The following NET1 variants were observed in gnomAD, a reference collection of about 807,000 sequenced individuals.
NET1 encodes neuroepithelial cell-transforming gene 1 protein.
In NET1, 42 loss-of-function variants were observed where a neutral mutation model predicts 61.1. That is an observed-to-expected ratio of 0.69 (90% CI 0.54 to 0.89). The LOEUF is 0.89. NET1 is among the 40% of genes least tolerant of loss of function. The pLI is 0.00. For missense variants in NET1, 654 were observed against 747.3 expected, an observed-to-expected ratio of 0.88 and a Z score of 1.46; for synonymous variants, 254 against 281.8, an observed-to-expected ratio of 0.90 and a Z score of 0.99.
rs1832347699 is a variant in NET1, at chr10:5,431,468, T to G, written c.255+2239T>G. ...TGATGCTCTCAAAATGGATGCTCAT[T>G]GCCTACATGCATTTTTTTCTTGGTG... On this transcript the variant is annotated intron_variant, in intron 3 of 11. Transcript: ENST00000355029. This position sits in a 1 kb window ranked among gnomAD's most constrained non-coding sequence, Gnocchi z 4.9. 6.6e-6 allele frequency among the ~76,000 whole-genome samples: 1 copy of G among 152,082 alleles called. No homozygotes were observed. The highest frequency in any genetic ancestry group is 2.4e-5 in the African/African-American group (1 of 41,410).
chr10:5,454,130 A>G lies in NET1; in HGVS notation c.769-135A>G. 1 of 904,180 alleles carries G rather than the reference A, an allele frequency of 1.1e-6. No homozygotes were observed. The highest frequency in any genetic ancestry group is 1.7e-6 in the Non-Finnish European group (1 of 592,106). 56.0% of individuals were successfully genotyped at this position (904,180 alleles called of 1,614,324 possible). ...AAAATGCTATTCAGCTTCCATTATT[A>G]TCTGCCAGAAAATGTCCACAGCTTG... is the stretch of plus-strand genomic sequence containing the variant. On this transcript the variant is annotated intron_variant, in intron 8 of 11. Transcript: ENST00000355029. The surrounding 1 kb of genome is among the most constrained non-coding windows in gnomAD (Gnocchi z 8.1).
In NET1 at chr10:5,423,266, A is replaced by G. The variant is rs539731189; in HGVS notation, c.129-3389A>G. 3.9e-5 allele frequency among the ~76,000 whole-genome samples: 6 copies of G among 152,282 alleles called. No homozygotes were observed. The highest frequency in any genetic ancestry group is 1.4e-4 in the African/African-American group (6 of 41,568). On this transcript the variant is annotated intron_variant, in intron 1 of 11. Coordinates refer to ENST00000355029, the MANE Select transcript of NET1 (RefSeq NM_001047160.3). This position sits in a 1 kb window ranked among gnomAD's most constrained non-coding sequence, Gnocchi z 4.4. The stretch of plus-strand genomic sequence containing the variant: ...TTCAATACGTTTTTTGAAAATATTT[A>G]TAATTTCAGGTCAGGTCTTATCTGG...
chr10:5,419,722 T>C (rs918992773), intron 1 of NET1, among the ~76,000 whole-genome samples: 2 of 151,904 alleles, frequency 1.3e-5, no homozygotes, highest in African/African-American at 4.8e-5. Context: ...GTTGTTGTTG[T>C]TGTTGTTGTT....
Position 5,424,564 on chromosome 10 carries a change from A to C in NET1, c.129-2091A>C, listed in dbSNP as rs1453659076. 6.6e-6 allele frequency among the ~76,000 whole-genome samples: 1 copy of C among 152,208 alleles called. No homozygotes were observed. Among genetic ancestry groups the C allele is most frequent in the Non-Finnish European group, 1.5e-5 (1 of 68,028 alleles). On this transcript the variant is annotated intron_variant, in intron 1 of 11. Transcript: ENST00000355029. The surrounding 1 kb of genome is among the most constrained non-coding windows in gnomAD (Gnocchi z 6.1). ...TGATGCTTGACTTTTCTGCAGTAGC[A>C]AGAAAAGATGGAATAATCAGCTTCT...
chr10:5,452,008 G>C lies in NET1; in HGVS notation c.363+71G>C. Reference sequence around the variant, plus strand: ...AAGCCTGGAATTTGTAGTTGTCTTTGAGCTGTACAAACAAGTTTGCATTAT... The same window carrying C: ...AAGCCTGGAATTTGTAGTTGTCTTTCAGCTGTACAAACAAGTTTGCATTAT... On this transcript the variant is annotated intron_variant, in intron 4 of 11. Transcript: ENST00000355029. This position sits in a 1 kb window ranked among gnomAD's most constrained non-coding sequence, Gnocchi z 4.0. 9.4e-6 allele frequency: 11 copies of C among 1,170,514 alleles called. No individual in the cohort carries two copies. Among genetic ancestry groups the C allele is most frequent in the Non-Finnish European group, 1.2e-5 (10 of 801,140 alleles). The allele number at this position is 1,170,514 out of a possible 1,614,324, so 72.5% of individuals were successfully genotyped here.
Position 5,452,880 on chromosome 10 carries a change from G to C in NET1, c.554G>C (p.Gly185Ala), listed in dbSNP as rs749539181. 1.2e-6 allele frequency: 2 copies of C among 1,613,780 alleles called. No homozygotes were observed. The highest frequency in any genetic ancestry group is 2.2e-5 in the South Asian group (2 of 90,988). ...RQEAIYEMSR[G>A]EQDLIEDLKL... Reference sequence around the variant, plus strand: ...TAGGCAATATATGAAATGTCCCGAGGTGAACAGGATTTAATTGAGGATCTC... The same window carrying C: ...TAGGCAATATATGAAATGTCCCGAGCTGAACAGGATTTAATTGAGGATCTC... Residue 185 changes from glycine to alanine, a missense_variant, in exon 6 of 12, where the codon GGT (glycine) becomes GCT (alanine). Gly to Ala is a moderately conservative substitution (Grantham distance 60, BLOSUM62 0). Transcript: ENST00000355029. This position sits in a 1 kb window ranked among gnomAD's most constrained non-coding sequence, Gnocchi z 4.0.
At chr10:5,419,669 G>A (rs1228783811) in intron 1 of NET1, among the ~76,000 whole-genome samples, 1 of 138,942 alleles carries the variant, frequency 7.2e-6, no homozygotes, top group Admixed American at 7.6e-5. Flanking sequence ...AGGCAAGTCC[G>A]CTACCAACAA....
At position 5,454,444 on chromosome 10, in the gene NET1, C is replaced by T; in HGVS notation, c.948C>T (p.Val316=). Residue 316 remains valine, a synonymous_variant, in exon 9 of 12, where the codon GTC becomes GTT. Coordinates refer to ENST00000355029, the MANE Select transcript of NET1 (RefSeq NM_001047160.3). This position sits in a 1 kb window ranked among gnomAD's most constrained non-coding sequence, Gnocchi z 8.1. The stretch of plus-strand genomic sequence containing the variant: ...TAGATATCCCTCGAAGTCGCCTAGT[C>T]AAATACCCTTTACTGTTAAAAGAAA... The part of the protein sequence containing the change: ...SFLDIPRSRL[V]KYPLLLKEIL... 6.2e-7 allele frequency: 1 copy of T among 1,614,148 alleles called. No individual in the cohort carries two copies. Among genetic ancestry groups the T allele is most frequent in the East Asian group, 2.2e-5 (1 of 44,888 alleles).
chr10:5,448,153 C>A (rs1159950248), intron 3 of NET1, among the ~76,000 whole-genome samples: 2 of 152,066 alleles, frequency 1.3e-5, no homozygotes, highest in African/African-American at 4.8e-5. Flanking sequence ...ACTATTATAA[C>A]CCAAAGGAAT....
rs1384942331 is a variant in NET1 at position 5,435,293 on chromosome 10, A to G, written c.255+6064A>G. 6.6e-6 allele frequency among the ~76,000 whole-genome samples: 1 copy of G among 152,196 alleles called. No individual in the cohort carries two copies. The highest frequency in any genetic ancestry group is 2.4e-5 in the African/African-American group (1 of 41,456). On this transcript the variant is annotated intron_variant, in intron 3 of 11. Transcript: ENST00000355029. The surrounding 1 kb of genome is among the most constrained non-coding windows in gnomAD (Gnocchi z 5.0). ...TAAAGATACCAGGTGATTCTCATGT[A>G]TAGCTAGAGTTAAAAACTAGAATGT...
rs71388435 is a variant in NET1 at position 5,435,474 on chromosome 10, GAGATAGATAGATAGATAGATAGAT to G, written c.255+6281_255+6304del. On this transcript the variant is annotated intron_variant, in intron 3 of 11. Coordinates refer to ENST00000355029, the MANE Select transcript of NET1 (RefSeq NM_001047160.3). The surrounding 1 kb of genome is among the most constrained non-coding windows in gnomAD (Gnocchi z 5.0). ...TTCTACTTTATATGCCTCCGTGCCT[GAGATAGATAGATAGATAGATAGAT>G]AGATAGATAGATAGATAGATAGATA... is the stretch of plus-strand genomic sequence containing the variant. 5.6e-5 allele frequency among the ~76,000 whole-genome samples: 8 copies of G among 142,738 alleles called. No individual in the cohort carries two copies. Among genetic ancestry groups the G allele is most frequent in the African/African-American group, 8.0e-5 (3 of 37,540 alleles). 93.6% of individuals were successfully genotyped at this position (142,738 alleles called of 152,430 possible).
Position 5,452,418 on chromosome 10 carries a change from T to G in NET1, c.424T>G (p.Ser142Ala). The stretch of plus-strand genomic sequence containing the variant: ...CTCTGCCCAGAAGTTTTCTAGCAGG[T>G]CAACAGTCCCAACACCCGCCAAGAG... Reference protein sequence around the residue: ...PASAQKFSSRSTVPTPAKRRS... With the variant: ...PASAQKFSSRATVPTPAKRRS... Residue 142 changes from serine (S) to alanine (A), a missense_variant, in exon 5 of 12, where the codon TCA becomes GCA. Ser to Ala is a moderately conservative substitution (Grantham distance 99, BLOSUM62 1). Coordinates refer to ENST00000355029, the MANE Select transcript of NET1 (RefSeq NM_001047160.3). This position sits in a 1 kb window ranked among gnomAD's most constrained non-coding sequence, Gnocchi z 4.0. The G allele has an allele frequency of 6.2e-7, 1 of 1,614,068 alleles. No homozygotes were observed. Among genetic ancestry groups the G allele is most frequent in the Non-Finnish European group, 8.5e-7 (1 of 1,179,964 alleles).
At position 5,455,038 on chromosome 10, in the gene NET1, G is replaced by A. The variant is rs572187183; in HGVS notation, c.1117G>A (p.Asp373Asn). Residue 373 changes from aspartate (D) to asparagine (N), a missense_variant, in exon 10 of 12, where the codon GAT (aspartate) becomes AAT (asparagine). Coordinates refer to ENST00000355029, the MANE Select transcript of NET1 (RefSeq NM_001047160.3). The surrounding 1 kb of genome is among the most constrained non-coding windows in gnomAD (Gnocchi z 6.5). ...TTACATCGACAAGCTGGAGTACCTG[G>A]ATGAAAAGCAGAGGGACCCCAGAAT... ...QYYIDKLEYL[D>N]EKQRDPRIEA... The A allele has an allele frequency of 7.4e-6, 12 of 1,614,162 alleles. 1 individual carries two copies. In the South Asian group the frequency reaches 1.2e-4, roughly 16 times the overall value.
In NET1 at chr10:5,447,711, A is replaced by G. The variant is rs1214477056; in HGVS notation, c.256-4119A>G. On this transcript the variant is annotated intron_variant, in intron 3 of 11. Coordinates refer to ENST00000355029, the MANE Select transcript of NET1 (RefSeq NM_001047160.3). This position sits in a 1 kb window ranked among gnomAD's most constrained non-coding sequence, Gnocchi z 4.1. ...TGTACACATACACACACCTTTTGGT[A>G]GTTAAAATAGCTGCCGTCTTCAGGA... 6.6e-6 allele frequency among the ~76,000 whole-genome samples: 1 copy of G among 152,238 alleles called. No homozygotes were observed. Among genetic ancestry groups the G allele is most frequent in the Non-Finnish European group, 1.5e-5 (1 of 68,038 alleles).
Position 5,412,982 on chromosome 10 carries a change from G to A in NET1, c.128+162G>A, listed in dbSNP as rs1196202052. On this transcript the variant is annotated intron_variant, in intron 1 of 11. Coordinates refer to ENST00000355029, the MANE Select transcript of NET1 (RefSeq NM_001047160.3). This position sits in a 1 kb window ranked among gnomAD's most constrained non-coding sequence, Gnocchi z 6.5. Reference sequence around the variant, plus strand: ...GTGGGGGTGTTGGTGAGGGCCAGGGGGAGGCGAGGGCCGCTGGGAGGTGAG... The same window carrying A: ...GTGGGGGTGTTGGTGAGGGCCAGGGAGAGGCGAGGGCCGCTGGGAGGTGAG... 1.5e-5 allele frequency among the ~76,000 whole-genome samples: 2 copies of A among 133,940 alleles called. No homozygotes were observed. Among genetic ancestry groups the A allele is most frequent in the African/African-American group, 5.5e-5 (2 of 36,516 alleles). 87.9% of individuals were successfully genotyped at this position (133,940 alleles called of 152,430 possible).
At position 5,426,570 on chromosome 10, in the gene NET1, T is replaced by A; in HGVS notation, c.129-85T>A. The A allele has an allele frequency of 1.9e-6, 2 of 1,076,134 alleles. No homozygotes were observed. Among genetic ancestry groups the A allele is most frequent in the African/African-American group, 1.6e-5 (1 of 62,404 alleles). 66.7% of individuals were successfully genotyped at this position (1,076,134 alleles called of 1,614,324 possible). A position where few individuals can be genotyped will look rare whatever the true frequency, so the allele number is the denominator to read the frequency against. On this transcript the variant is annotated intron_variant, in intron 1 of 11. Coordinates refer to ENST00000355029, the MANE Select transcript of NET1 (RefSeq NM_001047160.3). This position sits in a 1 kb window ranked among gnomAD's most constrained non-coding sequence, Gnocchi z 4.6. ...GCCACTTTAAACGGTTTTGAAAGTATGAAAAGTATAGCTTTTTATCTGTTT... is the reference window on the plus strand; with the variant it reads ...GCCACTTTAAACGGTTTTGAAAGTAAGAAAAGTATAGCTTTTTATCTGTTT...
In NET1 at chr10:5,456,844, A is replaced by G. The variant is rs746360156; in HGVS notation, c.1641A>G (p.Val547=). Residue 547 remains valine, a synonymous_variant, in exon 12 of 12, where the codon GTA becomes GTG. Coordinates refer to ENST00000355029, the MANE Select transcript of NET1 (RefSeq NM_001047160.3). The surrounding 1 kb of genome is among the most constrained non-coding windows in gnomAD (Gnocchi z 7.0). The part of the protein sequence containing the change: ...RASTVSSVTQ[V]EVDENAYRCG... The stretch of plus-strand genomic sequence containing the variant: ...CCACAGTTTCCAGTGTTACTCAGGT[A>G]GAAGTTGATGAAAACGCTTACAGAT... 1.9e-6 allele frequency: 3 copies of G among 1,614,110 alleles called. No individual in the cohort carries two copies. Among genetic ancestry groups the G allele is most frequent in the Admixed American group, 3.3e-5 (2 of 59,998 alleles).
chr10:5,451,727 A>G lies in NET1; in HGVS notation c.256-103A>G, dbSNP rs1832707559. ...TTACTTTCATGTTTCTGTATTTTAT[A>G]ATGTACAAAAATTGTTTTGTGAGAG... is the stretch of plus-strand genomic sequence containing the variant. On this transcript the variant is annotated intron_variant, in intron 3 of 11. Coordinates refer to ENST00000355029, the MANE Select transcript of NET1 (RefSeq NM_001047160.3). The surrounding 1 kb of genome is among the most constrained non-coding windows in gnomAD (Gnocchi z 6.1). The G allele has an allele frequency of 2.8e-6, 2 of 726,974 alleles. No individual in the cohort carries two copies. Among genetic ancestry groups the G allele is most frequent in the Non-Finnish European group, 4.5e-6 (2 of 444,336 alleles). 45.0% of individuals were successfully genotyped at this position (726,974 alleles called of 1,614,324 possible).
chr10:5,418,796 A>G (rs113405303), intron 1 of NET1, among the ~76,000 whole-genome samples: 5 of 152,290 alleles, frequency 3.3e-5, no homozygotes, highest in African/African-American at 1.2e-4. Flanking sequence ...TTCTTAATAT[A>G]GGGATACAGC....
Sources: allele counts gnomAD v4.1 joint callset (sites outside exome capture counted in the v4.1 genomes callset), GRCh38; gene constraint gnomAD v4.1.1; non-coding constraint Gnocchi (gnomAD v3.1); transcripts MANE v1.5; gene names NCBI Gene and HGNC (gene_info 2026-07-23, HGNC 2026-07-21).